LHFPL3: variants seen among roughly 807,000 people sequenced by gnomAD.
The protein encoded by LHFPL3 is LHFPL tetraspan subfamily member 3, also known as LHFPL tetraspan subfamily member 3 protein.
Under a neutral mutation model 19.3 loss-of-function variants are expected in LHFPL3, and 5 were observed. The ratio of observed to expected loss-of-function variants is 0.26; its 90% CI spans 0.14 to 0.54. The LOEUF (loss-of-function observed/expected upper bound fraction) is 0.54. LHFPL3 is among the 20% of genes least tolerant of loss of function. The pLI, the probability that LHFPL3 is intolerant of heterozygous loss-of-function variation, is 0.94. For synonymous variants in LHFPL3, 133 were observed against 126.2 expected (o/e 1.05, Z -0.36); for missense variants, 249 against 307.4 (o/e 0.81, Z 1.42).
intron 1 of LHFPL3, among the ~76,000 whole-genome samples, chr7:104,577,337 A>T (rs918279296): frequency 6.6e-6 from 1 of 152,188 alleles, no homozygotes; most frequent in Admixed American, 6.5e-5. Flanking sequence ...TGTCAGGGAA[A>T]GCTTCCTAGA....
intron 1 of LHFPL3, among the ~76,000 whole-genome samples, chr7:104,640,051 C>T (rs1791802359): frequency 6.6e-6 from 1 of 152,130 alleles, no homozygotes; most frequent in Non-Finnish European, 1.5e-5. Flanking sequence ...AAAACTCTGC[C>T]ATTCATAAAT....
At chr7:104,819,374 C>T (rs1180653407) in intron 2 of LHFPL3, among the ~76,000 whole-genome samples, 1 of 123,730 alleles carries the variant, frequency 8.1e-6, no homozygotes. Context: ...CCATTTAGAT[C>T]TGGAAAAAAA....
Position 104,449,497 on chromosome 7 carries a change from G to T in LHFPL3, c.445+120273G>T, listed in dbSNP as rs370935010. Among the ~76,000 whole-genome samples, 113 of 152,238 alleles carry T rather than the reference G, an allele frequency of 7.4e-4. 3 individuals are homozygous for T. The South Asian group carries it at 0.015, about 20-fold the overall frequency. Reference sequence around the variant, plus strand: ...GGAAATTAAAATAGAATCTCATAAGGAGTTCAAAATGGAATCCCACAAACC... The same window carrying T: ...GGAAATTAAAATAGAATCTCATAAGTAGTTCAAAATGGAATCCCACAAACC... On this transcript the variant is annotated intron_variant, in intron 1 of 2. Coordinates refer to ENST00000424859, the MANE Select transcript of LHFPL3 (RefSeq NM_199000.3).
At chr7:104,593,670 G>A (rs965164238) in intron 1 of LHFPL3, among the ~76,000 whole-genome samples, 12 of 152,162 alleles carry the variant, frequency 7.9e-5, no homozygotes, top group Non-Finnish European at 1.6e-4. Context: ...TTGTTTGGGA[G>A]TCTAAGTCTC....
At chr7:104,467,911 G>A (rs746083698) in intron 1 of LHFPL3, among the ~76,000 whole-genome samples, 10 of 152,116 alleles carry the variant, frequency 6.6e-5, no homozygotes, top group Admixed American at 2.0e-4. Context: ...GCTGACCCAT[G>A]AATTTCCTTA....
chr7:104,643,245 G>A (rs1791869074), intron 1 of LHFPL3, among the ~76,000 whole-genome samples: 1 of 151,924 alleles, frequency 6.6e-6, no homozygotes, highest in South Asian at 2.1e-4. Flanking sequence ...AAGCTTTCCT[G>A]CAGGAAATAA....
chr7:104,833,555 G>T, intron 2 of LHFPL3, among the ~76,000 whole-genome samples: 1 of 16,304 alleles, frequency 6.1e-5, no homozygotes, highest in Non-Finnish European at 1.0e-4. Flanking sequence ...ACTCCCACGC[G>T]GGAGTTTATT....
chr7:104,414,350 T>A (rs561803655), intron 1 of LHFPL3, among the ~76,000 whole-genome samples: 1 of 152,340 alleles, frequency 6.6e-6, no homozygotes, highest in African/African-American at 2.4e-5. Flanking sequence ...TCAGGATCCC[T>A]AGCAGAGCAA....
At chr7:104,833,013 T>TAATATATAATAGATATATTATA (rs1790990823) in intron 2 of LHFPL3, among the ~76,000 whole-genome samples, 1 of 102,188 alleles carries the variant, frequency 9.8e-6, no homozygotes, top group African/African-American at 4.0e-5. Flanking sequence ...TATATATATA[T>TAATATATAATAGATATATTATA]TATATATAAT....
In LHFPL3 at chr7:104,459,653, G is replaced by T. The variant is rs561311290; in HGVS notation, c.445+130429G>T. ...GCAATAGTCAGAAAACTGGCTGAAG[G>T]CAAGGGACCTCTTCGTAACAGGCAC... On this transcript the variant is annotated intron_variant, in intron 1 of 2. Coordinates refer to ENST00000424859, the MANE Select transcript of LHFPL3 (RefSeq NM_199000.3). Among the ~76,000 whole-genome samples, 133 of 152,298 alleles carry T rather than the reference G, an allele frequency of 8.7e-4. 1 individual carries two copies. Among genetic ancestry groups the T allele is most frequent in the Non-Finnish European group, 1.6e-3 (107 of 68,040 alleles).
At chr7:104,558,615 C>T (rs1474030698) in intron 1 of LHFPL3, among the ~76,000 whole-genome samples, 2 of 150,696 alleles carry the variant, frequency 1.3e-5, no homozygotes, top group African/African-American at 2.5e-5. Context: ...AAAATTTTCT[C>T]CCGTTTTGTA....
intron 2 of LHFPL3, chr7:104,759,804 G>C (rs12669007): frequency 0.23 from 35,684 of 152,118 alleles, 4,463 homozygotes; most frequent in South Asian, 0.45. Flanking sequence ...CACATCATCT[G>C]ACTTTCCCCA....
chr7:104,564,488 A>T (rs942975738), intron 1 of LHFPL3, among the ~76,000 whole-genome samples: 4 of 152,234 alleles, frequency 2.6e-5, no homozygotes, highest in Non-Finnish European at 5.9e-5. Flanking sequence ...ATTGCAAAGG[A>T]TACCACATAT....
At chr7:104,618,329 G>C (rs1401054645) in intron 1 of LHFPL3, among the ~76,000 whole-genome samples, 1 of 152,134 alleles carries the variant, frequency 6.6e-6, no homozygotes. Flanking sequence ...CTTACTATAT[G>C]CTCTACAACA....
chr7:104,572,909 C>G (rs182062600), intron 1 of LHFPL3, among the ~76,000 whole-genome samples: 1 of 152,272 alleles, frequency 6.6e-6, no homozygotes, highest in East Asian at 1.9e-4. Flanking sequence ...TTAACCAGTT[C>G]CCTTTTAAAT....
chr7:104,475,093 A>T (rs1006080911), intron 1 of LHFPL3, among the ~76,000 whole-genome samples: 1 of 152,204 alleles, frequency 6.6e-6, no homozygotes, highest in African/African-American at 2.4e-5. Context: ...CTTTTCTGGG[A>T]ATCCTTCCTC....
At chr7:104,780,912 A>C (rs918939878) in intron 2 of LHFPL3, among the ~76,000 whole-genome samples, 1 of 152,200 alleles carries the variant, frequency 6.6e-6, no homozygotes, top group African/African-American at 2.4e-5. Context: ...TTGATCCCTC[A>C]GACTTGACTT....
At chr7:104,419,822 G>T (rs1011203782) in intron 1 of LHFPL3, among the ~76,000 whole-genome samples, 1 of 152,190 alleles carries the variant, frequency 6.6e-6, no homozygotes, top group African/African-American at 2.4e-5. Context: ...GAAGGGGCAG[G>T]ACAGATACAC....
At chr7:104,775,373 G>A (rs1794621723) in intron 2 of LHFPL3, among the ~76,000 whole-genome samples, 1 of 152,178 alleles carries the variant, frequency 6.6e-6, no homozygotes, top group African/African-American at 2.4e-5. Flanking sequence ...TCTAGCCTGG[G>A]CAACAGAGTG....
Sources: allele counts gnomAD v4.1 joint callset (sites outside exome capture counted in the v4.1 genomes callset), GRCh38; gene constraint gnomAD v4.1.1; transcripts MANE v1.5; gene names NCBI Gene and HGNC (gene_info 2026-07-23, HGNC 2026-07-21).